ADAM22: variants seen among roughly 807,000 people sequenced by gnomAD.
ADAM22 encodes disintegrin and metalloproteinase domain-containing protein 22.
In ADAM22, 65 loss-of-function variants were observed where a neutral mutation model predicts 144.6. The ratio of observed to expected loss-of-function variants is 0.45; its 90% CI spans 0.37 to 0.55. The LOEUF (loss-of-function observed/expected upper bound fraction) is 0.55, where lower values mean the gene tolerates loss of function less well. Among genes scored for constraint, ADAM22 ranks in the 20% least tolerant of loss-of-function variants. The pLI is 0.00. For synonymous variants in ADAM22, 391 were observed against 412.6 expected, an observed-to-expected ratio of 0.95 and a Z score of 0.63; for missense variants, 974 against 1,184.9, an observed-to-expected ratio of 0.82 and a Z score of 2.61.
At position 87,979,043 on chromosome 7, in the gene ADAM22, T is replaced by A. The variant is rs187439573; in HGVS notation, c.323+631T>A. On this transcript the variant is annotated intron_variant, in intron 3 of 31. Coordinates refer to ENST00000413139, the MANE Select transcript of ADAM22 (RefSeq NM_001324418.2). ...TCTGGTTAGTTACTGTTCACTTTTT[T>A]AAAAAAGGGTTTCTATCCTACTTCT... Among the ~76,000 whole-genome samples, 318 of 152,282 alleles carry A rather than the reference T, an allele frequency of 2.1e-3. 3 individuals are homozygous for A. Among genetic ancestry groups the A allele is most frequent in the African/African-American group, 7.4e-3 (309 of 41,542 alleles).
At chr7:88,113,704 A>ATAAATATATATATATATATATG (rs1554478743) in intron 5 of ADAM22, among the ~76,000 whole-genome samples, 1 of 28,078 alleles carries the variant, frequency 3.6e-5, no homozygotes, top group Non-Finnish European at 6.5e-5. Context: ...AAATAAATAA[A>ATAAATATATATATATATATATG]TATATATATA....
intron 3 of ADAM22, among the ~76,000 whole-genome samples, chr7:88,014,124 C>T (rs1796045890): frequency 6.6e-6 from 1 of 152,022 alleles, no homozygotes. Flanking sequence ...CTAAAATCAT[C>T]CCGTATCTAT....
At chr7:88,043,479 A>G (rs1803698833) in intron 3 of ADAM22, among the ~76,000 whole-genome samples, 1 of 143,934 alleles carries the variant, frequency 6.9e-6, no homozygotes. Flanking sequence ...AGCGAGGCTC[A>G]GTATCAAAAA....
At chr7:88,117,779 C>T (rs1179638485) in intron 7 of ADAM22, among the ~76,000 whole-genome samples, 5 of 151,736 alleles carry the variant, frequency 3.3e-5, no homozygotes, top group African/African-American at 7.3e-5. Flanking sequence ...CTGCAACCTC[C>T]GCCTCCTGGG....
At chr7:88,094,556 A>T (rs1440693343) in intron 4 of ADAM22, among the ~76,000 whole-genome samples, 2 of 152,160 alleles carry the variant, frequency 1.3e-5, no homozygotes, top group Admixed American at 1.3e-4. Context: ...AATGTAAAGG[A>T]AATCAGACTA....
At chr7:88,007,455 A>T (rs528782334) in intron 3 of ADAM22, among the ~76,000 whole-genome samples, 2 of 152,340 alleles carry the variant, frequency 1.3e-5, no homozygotes, top group East Asian at 3.9e-4. Flanking sequence ...ATCCTAAGCC[A>T]AAAGAACAAA....
chr7:88,188,886 A>G (rs952887734), intron 30 of ADAM22, among the ~76,000 whole-genome samples: 2 of 152,270 alleles, frequency 1.3e-5, no homozygotes, highest in South Asian at 4.1e-4. Context: ...TAGAGACGGG[A>G]TCTCACCATG....
At chr7:88,069,594 T>C (rs1812204051) in intron 3 of ADAM22, among the ~76,000 whole-genome samples, 1 of 152,220 alleles carries the variant, frequency 6.6e-6, no homozygotes, top group African/African-American at 2.4e-5. Flanking sequence ...ATTTATCACA[T>C]ATGCAGAATG....
intron 25 of ADAM22, among the ~76,000 whole-genome samples, chr7:88,170,683 G>A (rs1483918198): frequency 6.6e-6 from 1 of 151,962 alleles, no homozygotes; most frequent in East Asian, 1.9e-4. Flanking sequence ...AAGTAAAGAT[G>A]TTACCAATGA....
At chr7:87,973,048 C>G (rs1205806937) in intron 2 of ADAM22, among the ~76,000 whole-genome samples, 1 of 152,092 alleles carries the variant, frequency 6.6e-6, no homozygotes, top group Non-Finnish European at 1.5e-5. Context: ...CTTCATGTCT[C>G]AAACCCCCAA....
intron 3 of ADAM22, among the ~76,000 whole-genome samples, chr7:88,018,589 C>G (rs866468037): frequency 6.6e-6 from 1 of 152,138 alleles, no homozygotes; most frequent in Non-Finnish European, 1.5e-5. Context: ...CTGCTTTATT[C>G]CTTATTTGCA....
At chr7:88,054,205 A>T (rs1378128208) in intron 3 of ADAM22, among the ~76,000 whole-genome samples, 2 of 152,190 alleles carry the variant, frequency 1.3e-5, no homozygotes, top group African/African-American at 4.8e-5. Flanking sequence ...CACATATAGG[A>T]TTATATCTAT....
chr7:88,116,676 C>A, intron 6 of ADAM22, 69 bp from the exon 7 acceptor site: 1 of 1,313,900 alleles, frequency 7.6e-7, no homozygotes, highest in Non-Finnish European at 1.1e-6. Context: ...GGGTCTCCAG[C>A]TATGTTTGCC....
intron 3 of ADAM22, among the ~76,000 whole-genome samples, chr7:87,991,429 G>C (rs545130790): frequency 9.9e-5 from 14 of 141,780 alleles, no homozygotes; most frequent in African/African-American, 3.7e-4. Context: ...TGTAGTGGCG[G>C]AATCTCGGCT....
chr7:88,126,862 T>C (rs1830542656), intron 8 of ADAM22, among the ~76,000 whole-genome samples: 1 of 151,916 alleles, frequency 6.6e-6, no homozygotes. Flanking sequence ...CTCATTTTAC[T>C]GATAAGGACA....
intron 9 of ADAM22, among the ~76,000 whole-genome samples, chr7:88,129,239 A>G (rs1831159165): frequency 6.6e-6 from 1 of 152,038 alleles, no homozygotes; most frequent in Non-Finnish European, 1.5e-5. Flanking sequence ...GTTAATGGGC[A>G]TATTGCAGGC....
intron 2 of ADAM22, among the ~76,000 whole-genome samples, chr7:87,967,753 A>G (rs966456544): frequency 6.8e-6 from 1 of 146,172 alleles, no homozygotes. Context: ...GGTTGCAGTG[A>G]GCTAAGATCG....
intron 30 of ADAM22, among the ~76,000 whole-genome samples, chr7:88,189,955 AAAAAT>A (rs1217889174): frequency 6.6e-6 from 1 of 152,106 alleles, no homozygotes; most frequent in Non-Finnish European, 1.5e-5. Flanking sequence ...AAAAATAAAT[AAAAAT>A]AAAATAACAA....
chr7:87,975,822 T>A, intron 2 of ADAM22, among the ~76,000 whole-genome samples: 1 of 152,184 alleles, frequency 6.6e-6, no homozygotes, highest in East Asian at 1.9e-4. Context: ...AGGTAAGAGC[T>A]TTAATAGTCC....
Sources: allele counts gnomAD v4.1 joint callset (sites outside exome capture counted in the v4.1 genomes callset), GRCh38; gene constraint gnomAD v4.1.1; transcripts MANE v1.5; gene names NCBI Gene and HGNC (gene_info 2026-07-23, HGNC 2026-07-21).